Variants in REXO5 observed in about 807,000 individuals in gnomAD.
REXO5 encodes RNA exonuclease 5.
Under a neutral mutation model 88.5 loss-of-function variants are expected in REXO5, and 48 were observed. That is an observed-to-expected ratio of 0.54 (90% confidence interval 0.43 to 0.69). REXO5 has a LOEUF of 0.69. REXO5 is among the 30% of genes least tolerant of loss of function. The probability of loss-of-function intolerance (pLI) is 0.00; values close to 1 mark genes in which losing one functional copy is unlikely to be tolerated. For missense variants in REXO5, 749 were observed against 912.2 expected (o/e 0.82, Z 2.30); for synonymous variants, 311 against 336.5 (o/e 0.92, Z 0.83).
chr16:20,806,475 T>G (rs1490999814), upstream of REXO5: 2 of 1,549,934 alleles, frequency 1.3e-6, no homozygotes, highest in African/African-American at 2.7e-5. Context: ...CGGAAGTCGC[T>G]CGACTTCTAC....
At chr16:20,813,880 G>A (rs921999521) in intron 3 of REXO5, among the ~76,000 whole-genome samples, 27 of 151,930 alleles carry the variant, frequency 1.8e-4, no homozygotes, top group African/African-American at 6.3e-4. Context: ...GCAACATAGC[G>A]AGACTCAGGC....
At chr16:20,815,178 A>T (rs1417351080) in intron 4 of REXO5, 125 bp downstream of exon 4, 1 of 1,004,556 alleles carries the variant, frequency 1.0e-6, no homozygotes, top group African/African-American at 1.7e-5. Context: ...TAGAAAGCAA[A>T]AAGACCTTAG....
At chr16:20,808,007 C>T (rs2080930526) in intron 2 of REXO5, among the ~76,000 whole-genome samples, 2 of 152,162 alleles carry the variant, frequency 1.3e-5, no homozygotes, top group African/African-American at 4.8e-5. Flanking sequence ...CCCCTGAGCT[C>T]CACCTAGGCA....
At chr16:20,822,731 C>T (rs2081203712) in intron 6 of REXO5, among the ~76,000 whole-genome samples, 1 of 152,210 alleles carries the variant, frequency 6.6e-6, no homozygotes, top group Admixed American at 6.5e-5. Context: ...CATGTTGTAG[C>T]ATGTATCAGT....
chr16:20,827,019 A>G (rs1396603909), intron 8 of REXO5, 39 bp from the exon 9 acceptor site: 2 of 1,588,462 alleles, frequency 1.3e-6, no homozygotes, highest in Non-Finnish European at 8.6e-7. Context: ...AAAACTTGTT[A>G]ATATCCTAGC....
At chr16:20,838,760 A>T (rs2081478684) in intron 13 of REXO5, among the ~76,000 whole-genome samples, 1 of 152,154 alleles carries the variant, frequency 6.6e-6, no homozygotes, top group South Asian at 2.1e-4. Context: ...AGTCACGCAA[A>T]ACAGAAAATA....
Position 20,832,183 on chromosome 16 carries a change from G to A in REXO5, c.1186G>A (p.Ala396Thr). The A allele has an allele frequency of 6.2e-7, 1 of 1,610,234 alleles. No homozygotes were observed. The highest frequency in any genetic ancestry group is 2.2e-5 in the East Asian group (1 of 44,510). ...KIAELNLEAL[A>T]NHQEIQAAGQ... is the part of the protein sequence containing the mutation. ...TGCAGAACTAAATCTAGAAGCACTA[G>A]CTAATCACCAAGAAATACAAGCAGC... Residue 396 changes from alanine (A) to threonine (T), a missense_variant, in exon 12 of 20, where the codon GCT becomes ACT. Transcript: ENST00000261377.
chr16:20,840,075 A>G (rs2081502607), intron 14 of REXO5: 2 of 540,640 alleles, frequency 3.7e-6, no homozygotes, highest in Non-Finnish European at 6.5e-6. Context: ...TATATCATAC[A>G]TCTTTCTGTA....
intron 6 of REXO5, 23 bp downstream of exon 6, chr16:20,821,925 A>C (rs769379664): frequency 6.6e-7 from 1 of 1,526,526 alleles, no homozygotes; most frequent in South Asian, 1.3e-5. Context: ...TTACTCTGAT[A>C]TTGCTAACAA....
In REXO5 at chr16:20,819,989, C is replaced by T. The variant is rs138325400; in HGVS notation, c.476-1773C>T. 5.0e-3 allele frequency among the ~76,000 whole-genome samples: 767 copies of T among 152,284 alleles called. 2 individuals carry two copies. Among genetic ancestry groups the T allele is most frequent in the Admixed American group, 9.5e-3 (145 of 15,298 alleles). On this transcript the variant is annotated intron_variant, in intron 5 of 19. Coordinates refer to ENST00000261377, the MANE Select transcript of REXO5 (RefSeq NM_030941.3). ...TAGGGTGGTCTCAAACTCCTGGACT[C>T]AAGCAATCCTCTTGCCTTGGCCTCC...
intron 16 of REXO5, among the ~76,000 whole-genome samples, 182 bp downstream of exon 16, chr16:20,844,208 A>C (rs1421608729): frequency 3.3e-5 from 5 of 152,178 alleles, no homozygotes; most frequent in Non-Finnish European, 7.3e-5. Flanking sequence ...AACGGCTTTC[A>C]TTTGTGTCAG....
intron 4 of REXO5, among the ~76,000 whole-genome samples, chr16:20,815,468 A>G (rs2081067185): frequency 6.6e-6 from 1 of 152,060 alleles, no homozygotes; most frequent in South Asian, 2.1e-4. Flanking sequence ...TCCATTTCCT[A>G]GTGACCCATT....
chr16:20,849,288 G>A, intron 19 of REXO5, 111 bp from the exon 20 acceptor site: 2 of 993,830 alleles, frequency 2.0e-6, no homozygotes, highest in South Asian at 1.5e-5. Context: ...TCCTGCCCTT[G>A]CCCCATGGCA....
At chr16:20,808,387 C>G (rs2080942770) in intron 2 of REXO5, among the ~76,000 whole-genome samples, 1 of 152,106 alleles carries the variant, frequency 6.6e-6, no homozygotes, top group Non-Finnish European at 1.5e-5. Flanking sequence ...GGCTGGACTA[C>G]AGTGGTGTGA....
intron 3 of REXO5, 151 bp downstream of exon 3, chr16:20,813,453 TTATGA>T (rs1186041456): frequency 1.8e-6 from 1 of 542,750 alleles, no homozygotes; most frequent in East Asian, 3.1e-5. Flanking sequence ...CCTGAATTTT[TTATGA>T]TGGCTGCCAA....
Position 20,819,898 on chromosome 16 carries a change from G to A in REXO5, c.476-1864G>A, listed in dbSNP as rs2081143058. On this transcript the variant is annotated intron_variant, in intron 5 of 19. Coordinates refer to ENST00000261377, the MANE Select transcript of REXO5 (RefSeq NM_030941.3). ...TCAGCCTCCTGAGTAGCTAAGACTT[G>A]CAGTTATGCACTACCATGCCTGGCT... Among the ~76,000 whole-genome samples, 6 of 152,070 alleles carry A rather than the reference G, an allele frequency of 3.9e-5. No individual in the cohort carries two copies. In the South Asian group the frequency reaches 1.0e-3, roughly 26 times the overall value.
At chr16:20,824,357 T>A in intron 6 of REXO5, 82 bp from the exon 7 acceptor site, 1 of 732,884 alleles carries the variant, frequency 1.4e-6, no homozygotes, top group Non-Finnish European at 2.4e-6. Flanking sequence ...TATCTAGTAT[T>A]GTAGTTTTAC....
intron 15 of REXO5, among the ~76,000 whole-genome samples, chr16:20,842,906 G>A (rs2081552112): frequency 6.6e-6 from 1 of 152,114 alleles, no homozygotes; most frequent in Non-Finnish European, 1.5e-5. Flanking sequence ...TTAATTTTTT[G>A]AGGAACCATT....
intron 15 of REXO5, among the ~76,000 whole-genome samples, chr16:20,842,449 G>GGTTGTTT (rs985492322): frequency 6.6e-6 from 1 of 151,202 alleles, no homozygotes; most frequent in African/African-American, 2.4e-5. Flanking sequence ...TGGACATTTG[G>GGTTGTTT]GTTGTTTCTT....
Sources: allele counts gnomAD v4.1 joint callset (sites outside exome capture counted in the v4.1 genomes callset), GRCh38; gene constraint gnomAD v4.1.1; transcripts MANE v1.5; gene names NCBI Gene and HGNC (gene_info 2026-07-23, HGNC 2026-07-21).